Variants in KSR2 observed in about 807,000 individuals in gnomAD.
KSR2 encodes kinase suppressor of ras 2.
In KSR2, 25 loss-of-function variants were observed where a neutral mutation model predicts 107.8. The observed-to-expected ratio is 0.23, with a 90% CI of 0.17 to 0.32. KSR2 has a LOEUF of 0.32. Among genes scored for constraint, KSR2 ranks in the 10% least tolerant of loss-of-function variants. KSR2 has a pLI of 1.00. For missense variants in KSR2, 887 were observed against 1,268.9 expected, an observed-to-expected ratio of 0.70 and a Z score of 4.57; for synonymous variants, 480 against 507.0, an observed-to-expected ratio of 0.95 and a Z score of 0.71.
intron 4 of KSR2, among the ~76,000 whole-genome samples, chr12:117,679,810 C>T (rs1356249699): frequency 6.6e-6 from 1 of 152,130 alleles, no homozygotes; most frequent in Non-Finnish European, 1.5e-5. Context: ...AACAGGGGTT[C>T]TAGAAGAACT....
intron 3 of KSR2, among the ~76,000 whole-genome samples, chr12:117,771,945 A>G (rs1387328341): frequency 6.6e-6 from 1 of 151,064 alleles, no homozygotes; most frequent in Non-Finnish European, 1.5e-5. Context: ...TCACACATAC[A>G]CACCATTCCA....
chr12:117,840,997 C>T (rs1181601555), intron 3 of KSR2, among the ~76,000 whole-genome samples: 1 of 107,314 alleles, frequency 9.3e-6, no homozygotes, highest in Admixed American at 1.2e-4. Flanking sequence ...GTGATTCTGT[C>T]TCAAAAAAAA....
At chr12:117,931,868 G>T (rs1566087475) in intron 1 of KSR2, among the ~76,000 whole-genome samples, 1 of 152,174 alleles carries the variant, frequency 6.6e-6, no homozygotes, top group African/African-American at 2.4e-5. Flanking sequence ...TGCACCTATT[G>T]TCTAATCCTC....
chr12:117,679,911 A>G (rs974543399), intron 4 of KSR2, among the ~76,000 whole-genome samples: 6 of 152,154 alleles, frequency 3.9e-5, no homozygotes, highest in Non-Finnish European at 7.4e-5. Flanking sequence ...ATTTATATAC[A>G]TATTGTCTGT....
chr12:117,854,585 C>G (rs1893035919), intron 3 of KSR2, among the ~76,000 whole-genome samples: 1 of 152,186 alleles, frequency 6.6e-6, no homozygotes, highest in African/African-American at 2.4e-5. Flanking sequence ...GACTGATGCT[C>G]AACAGTGACA....
chr12:117,832,006 C>T (rs867202803), intron 3 of KSR2, among the ~76,000 whole-genome samples: 2 of 152,110 alleles, frequency 1.3e-5, no homozygotes, highest in African/African-American at 2.4e-5. Flanking sequence ...GTACTGTGGC[C>T]GGGTGCAGTG....
intron 1 of KSR2, among the ~76,000 whole-genome samples, chr12:117,947,221 G>GA (rs749542842): frequency 0.069 from 7,423 of 107,834 alleles, 369 homozygotes; most frequent in Admixed American, 0.14. Context: ...AAGAAAGAAA[G>GA]AAAGAAAGAA....
intron 3 of KSR2, among the ~76,000 whole-genome samples, chr12:117,843,881 AC>A (rs1401984962): frequency 1.3e-5 from 2 of 148,428 alleles, no homozygotes; most frequent in Admixed American, 1.3e-4. Context: ...AGGCTGCCTT[AC>A]CTATGTCAGG....
rs145857239 is a variant in KSR2 at position 117,855,506 on chromosome 12, C to T, written c.394G>A (p.Glu132Lys). ...MTDEQVCETV[E>K]KYGANREECA... is the part of the protein sequence containing the mutation. The stretch of plus-strand genomic sequence containing the variant: ...TCCTCCCGGTTGGCTCCGTATTTCT[C>T]CACAGTCTCGCACACCTGTTCATCC... The change falls in exon 3 of 20, where the codon GAG becomes AAG. Residue 132 changes from glutamate (E) to lysine (K), a missense_variant. Physicochemically the swap from Glu to Lys is moderately conservative, Grantham distance 56 (BLOSUM62 1). Coordinates refer to ENST00000339824, the MANE Select transcript of KSR2 (RefSeq NM_173598.6). 8.4e-5 allele frequency: 136 copies of T among 1,614,036 alleles called. 1 individual carries two copies. In the East Asian group the frequency reaches 3.0e-3, roughly 36 times the overall value.
chr12:117,839,081 C>T (rs1892359435), intron 3 of KSR2, among the ~76,000 whole-genome samples: 1 of 152,198 alleles, frequency 6.6e-6, no homozygotes, highest in Non-Finnish European at 1.5e-5. Flanking sequence ...GAGAGAAAAT[C>T]TCTCATTATC....
intron 4 of KSR2, among the ~76,000 whole-genome samples, chr12:117,698,005 G>A (rs1042354986): frequency 2.6e-5 from 4 of 152,012 alleles, no homozygotes; most frequent in South Asian, 4.2e-4. Context: ...TGAAGATGAA[G>A]GCAGAGACCA....
At chr12:117,848,645 G>T (rs1454744007) in intron 3 of KSR2, among the ~76,000 whole-genome samples, 1 of 152,200 alleles carries the variant, frequency 6.6e-6, no homozygotes. Context: ...AATTAGAAAG[G>T]CTGAAGCCCC....
chr12:117,955,733 G>C (rs904315320), intron 1 of KSR2, among the ~76,000 whole-genome samples: 8 of 151,570 alleles, frequency 5.3e-5, no homozygotes, highest in Admixed American at 6.6e-5. Flanking sequence ...TCCTCATCAA[G>C]ACCAAGATTT....
chr12:117,646,845 C>T (rs1883670797), intron 5 of KSR2, among the ~76,000 whole-genome samples: 1 of 152,138 alleles, frequency 6.6e-6, no homozygotes, highest in South Asian at 2.1e-4. Context: ...CCCCAGCCAC[C>T]ACCTCCAAGT....
At chr12:117,794,423 AACATGCACACTCACAC>A (rs1890513522) in intron 3 of KSR2, among the ~76,000 whole-genome samples, 2 of 117,962 alleles carry the variant, frequency 1.7e-5, no homozygotes, top group East Asian at 3.0e-4. Flanking sequence ...ATGCACATAC[AACATGCACACTCACAC>A]CAACATGCAC....
chr12:117,600,851 G>A lies in KSR2; in HGVS notation c.1172-18492C>T, dbSNP rs567157805. On this transcript the variant is annotated intron_variant, in intron 5 of 19. Coordinates refer to ENST00000339824, the MANE Select transcript of KSR2 (RefSeq NM_173598.6). ...AGAGGGCAGGCAAAAGATGTTCTCT[G>A]TACTTGCAAGGAAGAAATGGTAAAG... Among the ~76,000 whole-genome samples, 3 of 152,240 alleles carry A rather than the reference G, an allele frequency of 2.0e-5. No individual in the cohort carries two copies. In the South Asian group the frequency reaches 6.2e-4, roughly 32 times the overall value.
chr12:117,956,676 T>C (rs373693360), intron 1 of KSR2, among the ~76,000 whole-genome samples: 98 of 140,540 alleles, frequency 7.0e-4, no homozygotes, highest in African/African-American at 2.5e-3. Context: ...CCTGTAATCC[T>C]AGCACTTTGG....
At chr12:117,798,914 T>C (rs1890733613) in intron 3 of KSR2, among the ~76,000 whole-genome samples, 1 of 152,150 alleles carries the variant, frequency 6.6e-6, no homozygotes, top group Non-Finnish European at 1.5e-5. Context: ...TAAAAAGGAA[T>C]GATGTTCTAA....
At chr12:117,625,192 A>C (rs1882407741) in intron 5 of KSR2, among the ~76,000 whole-genome samples, 1 of 147,662 alleles carries the variant, frequency 6.8e-6, no homozygotes, top group African/African-American at 2.5e-5. Context: ...AATACCCTTT[A>C]TTTCTTTCTC....
Sources: gnomAD v4.1 joint callset for allele counts (sites outside exome capture counted in the v4.1 genomes callset) on GRCh38, gnomAD v4.1.1 for gene constraint, MANE v1.5 for transcripts, NCBI Gene and HGNC (gene_info 2026-07-23, HGNC 2026-07-21) for gene names.